Variants in FBXO38 observed in about 807,000 individuals in gnomAD.
FBXO38 encodes the protein F-box only protein 38.
In FBXO38, 53 loss-of-function variants were observed where a neutral mutation model predicts 131.9. The observed-to-expected ratio is 0.40, with a 90% CI of 0.32 to 0.51. FBXO38 has a LOEUF of 0.51. FBXO38 is among the 20% of genes least tolerant of loss of function. The pLI is 0.53. For missense variants in FBXO38, 1,076 were observed against 1,475.6 expected, an observed-to-expected ratio of 0.73 and a Z score of 4.44; for synonymous variants, 452 against 505.6, an observed-to-expected ratio of 0.89 and a Z score of 1.42.
At chr5:148,425,475 C>A (rs1240280491) in intron 13 of FBXO38, 47 bp from the exon 14 acceptor site, 2 of 1,463,554 alleles carry the variant, frequency 1.4e-6, no homozygotes, top group East Asian at 2.3e-5. Flanking sequence ...TGCATTAGAT[C>A]CTTTCTTGCG....
chr5:148,438,925 A>G (rs1754509439), intron 18 of FBXO38, among the ~76,000 whole-genome samples: 1 of 152,220 alleles, frequency 6.6e-6, no homozygotes, highest in Non-Finnish European at 1.5e-5. Flanking sequence ...ATCATTATTA[A>G]GAGTATATTG....
chr5:148,388,798 T>G (rs536972967), intron 1 of FBXO38, among the ~76,000 whole-genome samples: 1 of 152,356 alleles, frequency 6.6e-6, no homozygotes, highest in Non-Finnish European at 1.5e-5. Context: ...TGTCTTGCTT[T>G]CTTATCATTT....
At chr5:148,438,191 T>C (rs1157109501) in intron 17 of FBXO38, 141 bp from the exon 18 acceptor site, 5 of 649,180 alleles carry the variant, frequency 7.7e-6, no homozygotes, top group African/African-American at 3.8e-5. Context: ...CAAATTTTTT[T>C]GTTAACTGTG....
At chr5:148,418,104 T>C (rs1399438770) in intron 12 of FBXO38, among the ~76,000 whole-genome samples, 2 of 152,312 alleles carry the variant, frequency 1.3e-5, no homozygotes, top group African/African-American at 4.8e-5. Flanking sequence ...CTCTCCACTT[T>C]GGCTCTTGGC....
At chr5:148,392,426 G>T (rs10071193) in intron 1 of FBXO38, among the ~76,000 whole-genome samples, 3 of 151,822 alleles carry the variant, frequency 2.0e-5, no homozygotes, top group Non-Finnish European at 4.4e-5. Flanking sequence ...GGAGGGGGAG[G>T]GTTCGTGATA....
At position 148,425,434 on chromosome 5, in the gene FBXO38, T is replaced by C. The variant is rs537926899; in HGVS notation, c.1739-88T>C. 16 of 1,023,972 alleles carry C rather than the reference T, an allele frequency of 1.6e-5. No homozygotes were observed. The African/African-American group carries it at 1.9e-4, about 12-fold the overall frequency. The allele number at this position is 1,023,972 out of a possible 1,614,324, so 63.4% of individuals were successfully genotyped here. On this transcript the variant is annotated intron_variant, in intron 13 of 21. Coordinates refer to ENST00000340253, the MANE Select transcript of FBXO38 (RefSeq NM_205836.3). Reference sequence around the variant, plus strand: ...GCTGTATAGAGCCACAAAGCATCTCTGTTGATTCCAGATCCCTGGAAACAG... The same window carrying C: ...GCTGTATAGAGCCACAAAGCATCTCCGTTGATTCCAGATCCCTGGAAACAG...
chr5:148,441,294 A>G, intron 21 of FBXO38, 57 bp downstream of exon 21: 1 of 1,227,654 alleles, frequency 8.1e-7, no homozygotes. Context: ...CTACTGTGTT[A>G]CATACTTAAT....
chr5:148,416,606 TC>T (rs1753068555), intron 11 of FBXO38: 1 of 190,670 alleles, frequency 5.2e-6, no homozygotes, highest in African/African-American at 2.4e-5. Flanking sequence ...AAAAACTTAA[TC>T]CTTCAACCAT....
At chr5:148,415,074 G>A (rs763805864) in intron 10 of FBXO38, among the ~76,000 whole-genome samples, 4 of 152,030 alleles carry the variant, frequency 2.6e-5, no homozygotes, top group Non-Finnish European at 2.9e-5. Flanking sequence ...GAGATCACTC[G>A]TTAATATAGT....
intron 3 of FBXO38, among the ~76,000 whole-genome samples, chr5:148,399,698 A>G (rs1204074602): frequency 6.6e-6 from 1 of 152,118 alleles, no homozygotes; most frequent in Non-Finnish European, 1.5e-5. Flanking sequence ...TGAAGAGACC[A>G]CCTGAAAAGA....
intron 14 of FBXO38, among the ~76,000 whole-genome samples, chr5:148,426,125 A>G (rs1335111966): frequency 2.0e-5 from 3 of 152,116 alleles, no homozygotes; most frequent in Non-Finnish European, 2.9e-5. Context: ...CCTAAAGCAT[A>G]TTTTTATAAT....
intron 11 of FBXO38, 73 bp downstream of exon 11, chr5:148,416,143 TTTTTTTC>T: frequency 6.9e-7 from 1 of 1,449,242 alleles, no homozygotes; most frequent in Non-Finnish European, 9.2e-7. Context: ...GATTTTTTTT[TTTTTTTC>T]TTTTCAATGA....
chr5:148,405,030 C>A (rs987666344), intron 6 of FBXO38, among the ~76,000 whole-genome samples: 28 of 145,874 alleles, frequency 1.9e-4, no homozygotes, highest in East Asian at 8.1e-4. Flanking sequence ...AAAAAAAAAA[C>A]AAAACTCAGA....
intron 13 of FBXO38, 42 bp from the exon 14 acceptor site, chr5:148,425,480 C>G: frequency 6.6e-7 from 1 of 1,525,766 alleles, no homozygotes; most frequent in East Asian, 2.3e-5. Context: ...TAGATCCTTT[C>G]TTGCGCAAAA....
chr5:148,394,321 A>G (rs575395030), intron 1 of FBXO38, among the ~76,000 whole-genome samples: 13 of 152,176 alleles, frequency 8.5e-5, no homozygotes, highest in Non-Finnish European at 1.6e-4. Context: ...TCAGTCCTAG[A>G]AAGAACCACA....
chr5:148,397,750 TC>T (rs989147110), intron 2 of FBXO38: 19 of 152,184 alleles, frequency 1.2e-4, no homozygotes, highest in African/African-American at 4.3e-4. Context: ...TGTTTGCCAT[TC>T]CTGACCCTTT....
intron 7 of FBXO38, among the ~76,000 whole-genome samples, chr5:148,408,194 T>G (rs548482716): frequency 2.6e-4 from 39 of 152,314 alleles, no homozygotes; most frequent in African/African-American, 8.9e-4. Flanking sequence ...CTAAAATGAC[T>G]ATGCCTACTC....
intron 12 of FBXO38, among the ~76,000 whole-genome samples, chr5:148,421,553 G>T (rs906752363): frequency 6.6e-6 from 1 of 151,972 alleles, no homozygotes; most frequent in Non-Finnish European, 1.5e-5. Context: ...CTTTTTTACA[G>T]CTGAAATAAC....
chr5:148,394,838 T>C lies in FBXO38; in HGVS notation c.62T>C (p.Met21Thr). The C allele has an allele frequency of 2.5e-6, 4 of 1,603,618 alleles. No homozygotes were observed. The highest frequency in any genetic ancestry group is 2.6e-6 in the Non-Finnish European group (3 of 1,175,446). Residue 21 changes from methionine to threonine, a missense_variant, in exon 2 of 22, where the codon ATG becomes ACG. Around this residue, in one of 8 missense-constraint regions of FBXO38, gnomAD observed 58 missense variants for 53.1 expected, o/e 1.09. Coordinates refer to ENST00000340253, the MANE Select transcript of FBXO38 (RefSeq NM_205836.3). ...CIMNNEIPEEMTADETKDYMN... is the reference protein window; with the variant it reads ...CIMNNEIPEETTADETKDYMN... ...ATGAATAATGAAATTCCAGAAGAAA[T>C]GACAGCAGATGAAACAAAGGACTAT...
Sources: allele counts gnomAD v4.1 joint callset (sites outside exome capture counted in the v4.1 genomes callset), GRCh38; gene constraint gnomAD v4.1.1; regional missense constraint gnomAD v4.1.1; transcripts MANE v1.5; gene names NCBI Gene and HGNC (gene_info 2026-07-23, HGNC 2026-07-21).